Variants in FBXO9 observed in about 807,000 individuals in gnomAD.
FBXO9 encodes F-box protein 9.
Under a neutral mutation model 63.7 loss-of-function variants are expected in FBXO9, and 43 were observed. That is an observed-to-expected ratio of 0.67 (90% CI 0.53 to 0.87). FBXO9 has a LOEUF of 0.87. Ranked by LOEUF, FBXO9 falls within the 40% of genes least tolerant of loss-of-function variation. FBXO9 has a pLI of 0.00. For missense variants in FBXO9, 442 were observed against 533.2 expected (o/e 0.83, Z 1.68); for synonymous variants, 156 against 171.7 (o/e 0.91, Z 0.72).
intron 1 of FBXO9, among the ~76,000 whole-genome samples, chr6:53,070,379 A>C (rs1768870573): frequency 6.6e-6 from 1 of 152,152 alleles, no homozygotes. Flanking sequence ...TTAATGAAGA[A>C]TTTGGCTTCA....
Position 53,073,478 on chromosome 6 carries a change from T to C in FBXO9, c.91-3T>C, listed in dbSNP as rs950935201. On this transcript the variant is annotated splice_polypyrimidine_tract_variant and splice_region_variant and intron_variant, in intron 2 of 12. Transcript: ENST00000323557. ...GAGTCCTAAAATGCTGTTCTCCCCA[T>C]AGGCACAACTCCAGATGTTCCGAGC... 4 of 1,613,070 alleles carry C rather than the reference T, an allele frequency of 2.5e-6. No individual in the cohort carries two copies. Among genetic ancestry groups the C allele is most frequent in the Non-Finnish European group, 2.5e-6 (3 of 1,179,516 alleles).
In FBXO9 at chr6:53,073,721, T is replaced by C. The variant is rs2064239; in HGVS notation, c.249+82T>C. 969 of 1,191,422 alleles carry C rather than the reference T, an allele frequency of 8.1e-4. 7 individuals are homozygous for C. In the African/African-American group the frequency reaches 0.012, roughly 15 times the overall value. The allele number at this position is 1,191,422 out of a possible 1,614,324, so 73.8% of individuals were successfully genotyped here. Reference sequence around the variant, plus strand: ...TTTTCACTGACACAGTAAGTAGGCATTATAACCAGACTTTCGGGACATAAA... The same window carrying C: ...TTTTCACTGACACAGTAAGTAGGCACTATAACCAGACTTTCGGGACATAAA... On this transcript the variant is annotated intron_variant, in intron 3 of 12. Transcript: ENST00000323557.
In FBXO9 at chr6:53,093,480, T is replaced by C. The variant is rs1465198677; in HGVS notation, c.878T>C (p.Phe293Ser). 6.2e-7 allele frequency: 1 copy of C among 1,613,504 alleles called. No homozygotes were observed. The highest frequency in any genetic ancestry group is 2.2e-5 in the East Asian group (1 of 44,856). Residue 293 changes from phenylalanine to serine, a missense_variant, in exon 10 of 13, where the codon TTT (phenylalanine) becomes TCT (serine). By Grantham distance (155) the Phe-to-Ser change is radical (BLOSUM62 -2). Transcript: ENST00000323557. ...TTATTACATAGGTACATAAGATTCT[T>C]TCCTGATGGCCATGTGATGATGTTG... Reference protein sequence around the residue: ...QVEYYRYIRFFPDGHVMMLTT... With the variant: ...QVEYYRYIRFSPDGHVMMLTT...
intron 1 of FBXO9, among the ~76,000 whole-genome samples, chr6:53,066,328 C>T (rs1480225327): frequency 6.6e-6 from 1 of 152,084 alleles, no homozygotes; most frequent in Admixed American, 6.6e-5. Flanking sequence ...TGTTGGCAGG[C>T]GGTCCTGGCG....
At position 53,095,616 on chromosome 6, in the gene FBXO9, G is replaced by C. The variant is rs1368831493; in HGVS notation, c.1157G>C (p.Arg386Thr). 3 of 1,613,264 alleles carry C rather than the reference G, an allele frequency of 1.9e-6. No homozygotes were observed. The highest frequency in any genetic ancestry group is 1.7e-6 in the Non-Finnish European group (2 of 1,179,638). Residue 386 changes from arginine to threonine, a missense_variant, in exon 12 of 13, where the codon AGG becomes ACG. By Grantham distance (71) the Arg-to-Thr change is moderately conservative. Transcript: ENST00000323557. Reference protein sequence around the residue: ...GLQLCSSGHQRFNKLIWIHHS... With the variant: ...GLQLCSSGHQTFNKLIWIHHS... ...CAGCTATGTTCCAGTGGTCACCAGA[G>C]GTTCAACAAACTCATCTGGATACAT... is the stretch of plus-strand genomic sequence containing the variant.
At chr6:53,075,964 G>A (rs1385147848) in intron 3 of FBXO9, among the ~76,000 whole-genome samples, 4 of 151,540 alleles carry the variant, frequency 2.6e-5, no homozygotes, top group African/African-American at 9.7e-5. Context: ...GGCCAGTGTC[G>A]AACTCCTGGC....
chr6:53,073,481 G>A lies in FBXO9; in HGVS notation c.91G>A (p.Ala31Thr). 1 of 1,613,018 alleles carries A rather than the reference G, an allele frequency of 6.2e-7. No homozygotes were observed. Among genetic ancestry groups the A allele is most frequent in the Non-Finnish European group, 8.5e-7 (1 of 1,179,428 alleles). The change falls in exon 3 of 13, where the codon GCA (alanine) becomes ACA (threonine). Residue 31 changes from alanine to threonine, a missense_variant and splice_region_variant. By Grantham distance (58) the Ala-to-Thr change is moderately conservative. Transcript: ENST00000323557. Reference protein sequence around the residue: ...NESPAETDLQAQLQMFRAQWM... With the variant: ...NESPAETDLQTQLQMFRAQWM... ...TCCTAAAATGCTGTTCTCCCCATAG[G>A]CACAACTCCAGATGTTCCGAGCTCA...
At chr6:53,074,096 T>G (rs939058491) in intron 3 of FBXO9, among the ~76,000 whole-genome samples, 2 of 152,268 alleles carry the variant, frequency 1.3e-5, no homozygotes, top group Admixed American at 6.5e-5. Context: ...AATAATGCAT[T>G]AATCATTTCC....
intron 6 of FBXO9, among the ~76,000 whole-genome samples, chr6:53,081,916 A>C (rs1234498023): frequency 6.6e-6 from 1 of 152,146 alleles, no homozygotes; most frequent in Non-Finnish European, 1.5e-5. Flanking sequence ...TAAAAATACA[A>C]AAATTAGCTG....
At chr6:53,093,319 T>G (rs1263440398) in intron 9 of FBXO9, 147 bp from the exon 10 acceptor site, 2 of 519,284 alleles carry the variant, frequency 3.9e-6, no homozygotes, top group Non-Finnish European at 6.8e-6. Context: ...TCAGTAATAT[T>G]TGTTTTAATG....
intron 3 of FBXO9, among the ~76,000 whole-genome samples, chr6:53,074,330 C>T (rs1769025026): frequency 1.3e-5 from 2 of 152,198 alleles, no homozygotes; most frequent in Non-Finnish European, 2.9e-5. Context: ...TACCTTCTAT[C>T]TCCTCTTAAT....
intron 1 of FBXO9, 27 bp downstream of exon 1, chr6:53,065,819 G>A: frequency 7.5e-7 from 1 of 1,330,434 alleles, no homozygotes; most frequent in Non-Finnish European, 9.6e-7. Context: ...GCTCGAGGGT[G>A]GACGCCGCGG....
intron 12 of FBXO9, 44 bp downstream of exon 12, chr6:53,095,708 A>C (rs751996273): frequency 6.6e-7 from 1 of 1,506,160 alleles, no homozygotes; most frequent in East Asian, 2.3e-5. Flanking sequence ...CTATAAATGT[A>C]TACTTCGTAT....
chr6:53,095,711 C>T, intron 12 of FBXO9, 47 bp downstream of exon 12: 1 of 1,481,554 alleles, frequency 6.7e-7, no homozygotes. Context: ...TAAATGTATA[C>T]TTCGTATCCA....
At chr6:53,081,222 A>G in intron 6 of FBXO9, 124 bp downstream of exon 6, 1 of 911,674 alleles carries the variant, frequency 1.1e-6, no homozygotes, top group South Asian at 1.7e-5. Flanking sequence ...TGGAAGATCT[A>G]GTTATAATTA....
chr6:53,093,970 AAAG>A lies in FBXO9; in HGVS notation c.1052_1053+1del, dbSNP rs1405583466. On this transcript the variant is annotated inframe_deletion, in exon 11 of 13. Transcript: ENST00000323557. ...AGTATTTGCTGTAATAACTAAGAAA[AAAG>A]AAGAAGTGAGTATACGAGGTGTAAT... 3.9e-6 allele frequency: 6 copies of A among 1,548,138 alleles called. No homozygotes were observed. Among genetic ancestry groups the A allele is most frequent in the South Asian group, 2.4e-5 (2 of 83,316 alleles).
chr6:53,082,656 G>A, intron 7 of FBXO9, 38 bp downstream of exon 7: 1 of 1,415,842 alleles, frequency 7.1e-7, no homozygotes, highest in Non-Finnish European at 9.9e-7. Flanking sequence ...AACAACTGAG[G>A]CAATGGTGAA....
At chr6:53,093,388 A>G (rs923853566) in intron 9 of FBXO9, 78 bp from the exon 10 acceptor site, 12 of 919,784 alleles carry the variant, frequency 1.3e-5, no homozygotes, top group Non-Finnish European at 2.1e-5. Flanking sequence ...ATGAATAGGC[A>G]TAGGTACTAA....
chr6:53,084,541 A>G (rs1769414398), intron 7 of FBXO9, among the ~76,000 whole-genome samples: 1 of 152,266 alleles, frequency 6.6e-6, no homozygotes, highest in Admixed American at 6.5e-5. Flanking sequence ...GCTTTCACAA[A>G]AACATCAGAT....
Sources: allele counts gnomAD v4.1 joint callset (sites outside exome capture counted in the v4.1 genomes callset), GRCh38; gene constraint gnomAD v4.1.1; transcripts MANE v1.5; gene names NCBI Gene and HGNC (gene_info 2026-07-23, HGNC 2026-07-21).